ZRANB1: variants seen among roughly 807,000 people sequenced by gnomAD.
The protein encoded by ZRANB1 is zinc finger RANBP2-type containing 1.
In ZRANB1, 16 loss-of-function variants were observed where a neutral mutation model predicts 80.5. The observed-to-expected ratio is 0.20, with a 90% CI of 0.13 to 0.30. The LOEUF (loss-of-function observed/expected upper bound fraction) is 0.30. Among genes scored for constraint, ZRANB1 ranks in the 10% least tolerant of loss-of-function variants. The pLI is 1.00. For synonymous variants in ZRANB1, 291 were observed against 293.1 expected, an observed-to-expected ratio of 0.99 and a Z score of 0.07; for missense variants, 576 against 862.6, an observed-to-expected ratio of 0.67 and a Z score of 4.16.
the ZRANB1 span, among the ~76,000 whole-genome samples, chr10:124,931,181 T>TC: frequency 1.8e-3 from 271 of 152,192 alleles, 1 homozygote; most frequent in African/African-American, 5.8e-3. Context: ...GCTCAAGTGA[T>TC]CCTCTCACCT....
chr10:124,934,368 A>G, the ZRANB1 span, among the ~76,000 whole-genome samples: 1 of 152,184 alleles, frequency 6.6e-6, no homozygotes, highest in Non-Finnish European at 1.5e-5. Context: ...TTTGAGATCT[A>G]ATTATTGATT....
chr10:124,923,840 C>T, the ZRANB1 span, among the ~76,000 whole-genome samples: 3 of 151,746 alleles, frequency 2.0e-5, no homozygotes, highest in African/African-American at 7.3e-5. Flanking sequence ...CCACCGGGTC[C>T]CTCCCTTGAC....
At chr10:124,934,155 G>C in the ZRANB1 span, among the ~76,000 whole-genome samples, 1 of 152,174 alleles carries the variant, frequency 6.6e-6, no homozygotes, top group Admixed American at 6.6e-5. Context: ...GTTAGTTGTA[G>C]TTGTAGAGGG....
chr10:124,925,771 G>A, the ZRANB1 span, among the ~76,000 whole-genome samples: 2 of 152,120 alleles, frequency 1.3e-5, no homozygotes, highest in African/African-American at 4.8e-5. Context: ...TTTTTTGCAT[G>A]TGGCTGTCTG....
At position 124,983,783 on chromosome 10, in the gene ZRANB1, C is replaced by G; in HGVS notation, c.1908+95C>G. 1 of 863,638 alleles carries G rather than the reference C, an allele frequency of 1.2e-6. No individual in the cohort carries two copies. The highest frequency in any genetic ancestry group is 1.8e-6 in the Non-Finnish European group (1 of 565,574). 53.5% of individuals were successfully genotyped at this position (863,638 alleles called of 1,614,324 possible). The stretch of plus-strand genomic sequence containing the variant: ...AGGTGTGGTTTTATCTGCACTATCA[C>G]TTAATTTCTGAATGTGATGGTAGTA... On this transcript the variant is annotated intron_variant, in intron 8 of 8. Coordinates refer to ENST00000359653, the MANE Select transcript of ZRANB1 (RefSeq NM_017580.3). The surrounding 1 kb of genome is among the most constrained non-coding windows in gnomAD (Gnocchi z 6.2).
At chr10:124,948,522 T>C (rs888079335) in intron 1 of ZRANB1, among the ~76,000 whole-genome samples, 1 of 152,062 alleles carries the variant, frequency 6.6e-6, no homozygotes, top group Non-Finnish European at 1.5e-5. Flanking sequence ...ACCTTTTTTT[T>C]TTTTCCTATA....
the ZRANB1 span, among the ~76,000 whole-genome samples, chr10:124,930,305 G>A: frequency 6.6e-6 from 1 of 151,994 alleles, no homozygotes; most frequent in African/African-American, 2.4e-5. Flanking sequence ...TCACTCTGTC[G>A]CCCAGGCTGG....
intron 1 of ZRANB1, among the ~76,000 whole-genome samples, chr10:124,946,646 T>A (rs1233812604): frequency 1.3e-5 from 2 of 152,228 alleles, no homozygotes; most frequent in African/African-American, 4.8e-5. Context: ...CTCTACAATG[T>A]CATTCTGAAC....
At chr10:124,978,793 A>ATTTTTTTTTTTTTTTTT (rs35714295) in intron 5 of ZRANB1, among the ~76,000 whole-genome samples, 1 of 115,440 alleles carries the variant, frequency 8.7e-6, no homozygotes. Context: ...TTCCCAGCTA[A>ATTTTTTTTTTTTTTTTT]TTTTTTTTTT....
the ZRANB1 span, among the ~76,000 whole-genome samples, chr10:124,936,835 A>G: frequency 1.3e-5 from 2 of 152,304 alleles, no homozygotes; most frequent in East Asian, 3.9e-4. Context: ...TTATATCCCT[A>G]AGATGTTCTC....
intron 5 of ZRANB1, among the ~76,000 whole-genome samples, chr10:124,980,863 C>T (rs1951926059): frequency 1.3e-5 from 2 of 152,208 alleles, no homozygotes; most frequent in Non-Finnish European, 2.9e-5. Flanking sequence ...CCTCCTTCAG[C>T]TTCCCAAAGT....
chr10:124,951,636 A>C (rs537237160), intron 1 of ZRANB1, among the ~76,000 whole-genome samples: 1 of 152,244 alleles, frequency 6.6e-6, no homozygotes, highest in East Asian at 1.9e-4. Flanking sequence ...GACTTACCTG[A>C]AGGCACAAAA....
chr10:124,962,703 G>A lies in ZRANB1; in HGVS notation c.815-3891G>A, dbSNP rs779088399. 4.4e-4 allele frequency among the ~76,000 whole-genome samples: 67 copies of A among 151,890 alleles called. No individual in the cohort carries two copies. In the Middle Eastern group the frequency reaches 9.5e-3, roughly 22 times the overall value. On this transcript the variant is annotated intron_variant, in intron 1 of 8. Transcript: ENST00000359653. ...TGTTTGCTTTTTATTTTTTTTAACG[G>A]TTTAGCTAGTAATATATAATATAGT...
the ZRANB1 span, among the ~76,000 whole-genome samples, chr10:124,922,695 C>T: frequency 3.8e-4 from 57 of 151,568 alleles, 1 homozygote; most frequent in Non-Finnish European, 3.1e-4. Flanking sequence ...GGGGTGTCAC[C>T]GTGTTGGCCC....
Position 124,983,638 on chromosome 10 carries a change from G to A in ZRANB1, c.1858G>A (p.Val620Ile). ...TGTCACCATCACATTTTTGCCTCTG[G>A]TTGACAGTGAAAGGAAGCTACTCCA... is the stretch of plus-strand genomic sequence containing the variant. ...DDVTITFLPL[V>I]DSERKLLHVH... is the part of the protein sequence containing the mutation. The change falls in exon 8 of 9, where the codon GTT (valine) becomes ATT (isoleucine). Residue 620 changes from valine (V) to isoleucine (I), a missense_variant. Transcript: ENST00000359653. This position sits in a 1 kb window ranked among gnomAD's most constrained non-coding sequence, Gnocchi z 6.2. The A allele has an allele frequency of 6.2e-7, 1 of 1,612,366 alleles. No individual in the cohort carries two copies. Among genetic ancestry groups the A allele is most frequent in the Non-Finnish European group, 8.5e-7 (1 of 1,179,044 alleles).
intron 1 of ZRANB1, among the ~76,000 whole-genome samples, chr10:124,960,574 A>G (rs113523448): frequency 0.034 from 5,186 of 152,120 alleles, 280 homozygotes; most frequent in African/African-American, 0.11. Context: ...ATGCGTCACT[A>G]TGCCTGACTA....
the ZRANB1 span, among the ~76,000 whole-genome samples, chr10:124,935,988 A>G: frequency 6.6e-6 from 1 of 152,218 alleles, no homozygotes; most frequent in African/African-American, 2.4e-5. Flanking sequence ...CTTGGAGTGT[A>G]CTTGGAGTGA....
chr10:124,919,378 C>T, the ZRANB1 span, among the ~76,000 whole-genome samples: 110 of 152,100 alleles, frequency 7.2e-4, no homozygotes, highest in African/African-American at 2.6e-3. Flanking sequence ...AACCCCGTCT[C>T]TACTAAAAAT....
At chr10:124,973,252 C>A (rs565344907) in intron 3 of ZRANB1, among the ~76,000 whole-genome samples, 2 of 152,254 alleles carry the variant, frequency 1.3e-5, no homozygotes, top group South Asian at 4.1e-4. Flanking sequence ...TCCCCAGGCT[C>A]AAACAGTTCT....
Sources: allele counts gnomAD v4.1 joint callset (sites outside exome capture counted in the v4.1 genomes callset), GRCh38; gene constraint gnomAD v4.1.1; non-coding constraint Gnocchi (gnomAD v3.1); transcripts MANE v1.5; gene names NCBI Gene and HGNC (gene_info 2026-07-23, HGNC 2026-07-21).